Variants in TBC1D8 observed in about 807,000 individuals in gnomAD.
TBC1D8 encodes BUB2-like protein 1.
TBC1D8 carries 65 observed loss-of-function variants against 118.8 expected under a neutral mutation model. The observed-to-expected ratio is 0.55, with a 90% CI of 0.45 to 0.67. TBC1D8 has a LOEUF of 0.67. TBC1D8 is among the 30% of genes least tolerant of loss of function. The pLI is 0.00. For missense variants in TBC1D8, 1,376 were observed against 1,471.2 expected, an observed-to-expected ratio of 0.94 and a Z score of 1.06; for synonymous variants, 566 against 595.8, an observed-to-expected ratio of 0.95 and a Z score of 0.73.
chr2:101,131,384 G>A (rs574367909), intron 1 of TBC1D8, among the ~76,000 whole-genome samples: 5 of 152,192 alleles, frequency 3.3e-5, no homozygotes, highest in Admixed American at 6.5e-5. Context: ...TGGTGGTGAC[G>A]TGCGCCTGTA....
intron 2 of TBC1D8, among the ~76,000 whole-genome samples, chr2:101,065,801 A>G (rs574819273): frequency 6.6e-6 from 1 of 152,360 alleles, no homozygotes; most frequent in East Asian, 1.9e-4. Flanking sequence ...CTTTTAATTT[A>G]TAATTGAAGT....
intron 16 of TBC1D8, 36 bp from the exon 17 acceptor site, chr2:101,021,782 TG>T: frequency 1.5e-6 from 2 of 1,335,462 alleles, no homozygotes; most frequent in Non-Finnish European, 2.1e-6. Context: ...TTGATGCCAA[TG>T]CTGAAAGTCC....
intron 3 of TBC1D8, among the ~76,000 whole-genome samples, chr2:101,056,232 C>G (rs1169349192): frequency 8.0e-6 from 1 of 125,262 alleles, no homozygotes; most frequent in Non-Finnish European, 1.7e-5. Context: ...TTGAGACAGT[C>G]TCGCTCTGTC....
At chr2:101,061,131 T>G (rs1682728417) in intron 2 of TBC1D8, among the ~76,000 whole-genome samples, 1 of 134,282 alleles carries the variant, frequency 7.4e-6, no homozygotes, top group South Asian at 2.3e-4. Context: ...GAGATTGCAG[T>G]GAGCCGAGAT....
intron 3 of TBC1D8, among the ~76,000 whole-genome samples, chr2:101,057,630 CTTGGGCAACATAATGAGACT>C (rs1682514580): frequency 6.6e-6 from 1 of 152,154 alleles, no homozygotes; most frequent in South Asian, 2.1e-4. Flanking sequence ...GTTCGATCAG[CTTGGGCAACATAATGAGACT>C]TCGTCTCTAC....
rs2105411959 is a variant in TBC1D8, at chr2:101,050,411, T to A, written c.862A>T (p.Ile288Phe). ...LDPDLQEPSQITKRDLEARAQ... is the reference protein window; with the variant it reads ...LDPDLQEPSQFTKRDLEARAQ... ...AACAGTCACTTTCACCTCTTGGTGA[T>A]CTGGCTCGGCTCCTGCAGATCGGGG... is the stretch of plus-strand genomic sequence containing the variant. The change falls in exon 5 of 20, where the codon ATC becomes TTC. Residue 288 changes from isoleucine to phenylalanine, a missense_variant. Physicochemically the swap from Ile to Phe is conservative, Grantham distance 21. Coordinates refer to ENST00000409318, the MANE Select transcript of TBC1D8 (RefSeq NM_001330348.2). 3 of 1,612,974 alleles carry A rather than the reference T, an allele frequency of 1.9e-6. No individual in the cohort carries two copies. The highest frequency in any genetic ancestry group is 2.5e-6 in the Non-Finnish European group (3 of 1,179,752).
chr2:101,066,904 G>A (rs1260892045), intron 2 of TBC1D8, among the ~76,000 whole-genome samples: 3 of 143,912 alleles, frequency 2.1e-5, no homozygotes, highest in Non-Finnish European at 4.5e-5. Context: ...GAGATCGAGT[G>A]CCACTGCACT....
At chr2:101,013,576 G>A (rs1187108165) in intron 17 of TBC1D8, among the ~76,000 whole-genome samples, 1 of 152,218 alleles carries the variant, frequency 6.6e-6, no homozygotes, top group African/African-American at 2.4e-5. Context: ...TTTGAAGGTA[G>A]TAGGTAACTT....
intron 1 of TBC1D8, among the ~76,000 whole-genome samples, chr2:101,092,852 C>A (rs1261803633): frequency 6.6e-6 from 1 of 152,108 alleles, no homozygotes; most frequent in African/African-American, 2.4e-5. Flanking sequence ...TGGGGTGCCT[C>A]CAGGTCCCCT....
At chr2:101,030,557 G>T (rs1056945447) in intron 11 of TBC1D8, among the ~76,000 whole-genome samples, 5 of 152,178 alleles carry the variant, frequency 3.3e-5, no homozygotes, top group Admixed American at 2.0e-4. Flanking sequence ...TACAATGCTG[G>T]TATGAGACAA....
intron 2 of TBC1D8, among the ~76,000 whole-genome samples, chr2:101,086,941 C>G (rs1675672433): frequency 6.6e-6 from 1 of 151,956 alleles, no homozygotes; most frequent in Admixed American, 6.6e-5. Context: ...CCACAACCAC[C>G]CCTGGCTAAT....
In TBC1D8 at chr2:101,037,548, C is replaced by T. The variant is rs1414925273; in HGVS notation, c.1436G>A (p.Ser479Asn). 6.2e-7 allele frequency: 1 copy of T among 1,612,564 alleles called. No homozygotes were observed. The highest frequency in any genetic ancestry group is 8.5e-7 in the Non-Finnish European group (1 of 1,179,858). ...VTAFQQSGSQ[S>N]PDSRMSREQI... ...GTCACCCACCATTCGGGAGTCAGGGCTCTGGCTGCCTGACTGCTGGAAGGC... is the reference window on the plus strand; with the variant it reads ...GTCACCCACCATTCGGGAGTCAGGGTTCTGGCTGCCTGACTGCTGGAAGGC... Residue 479 changes from serine to asparagine, a missense_variant, in exon 8 of 20, where the codon AGC (serine) becomes AAC (asparagine). Ser to Asn is a conservative substitution (Grantham distance 46, BLOSUM62 1). Coordinates refer to ENST00000409318, the MANE Select transcript of TBC1D8 (RefSeq NM_001330348.2).
intron 2 of TBC1D8, among the ~76,000 whole-genome samples, chr2:101,061,119 C>G (rs1030693982): frequency 7.7e-6 from 1 of 130,468 alleles, no homozygotes; most frequent in Non-Finnish European, 1.6e-5. Flanking sequence ...ACCTGGGAGG[C>G]GGAGATTGCA....
At position 101,131,152 on chromosome 2, in the gene TBC1D8, C is replaced by T. The variant is rs78162187; in HGVS notation, c.127+19975G>A. ...TCCTTGGCTTAAGTCATCCTCCCAC[C>T]TCAGCCTCCCAAGTAGCTGAGACTA... On this transcript the variant is annotated intron_variant, in intron 1 of 19. Transcript: ENST00000409318. 9.2e-5 allele frequency among the ~76,000 whole-genome samples: 14 copies of T among 152,314 alleles called. No homozygotes were observed. The South Asian group carries it at 2.7e-3, about 29-fold the overall frequency.
At chr2:101,023,131 C>A (rs573453789) in intron 15 of TBC1D8, among the ~76,000 whole-genome samples, 1 of 141,356 alleles carries the variant, frequency 7.1e-6, no homozygotes, top group African/African-American at 2.6e-5. Context: ...GGCAACAGAG[C>A]GTTTTTTTTG....
chr2:101,033,560 T>C lies in TBC1D8; in HGVS notation c.1802A>G (p.Lys601Arg). 1 of 1,613,882 alleles carries C rather than the reference T, an allele frequency of 6.2e-7. No individual in the cohort carries two copies. Among genetic ancestry groups the C allele is most frequent in the Non-Finnish European group, 8.5e-7 (1 of 1,179,872 alleles). The change falls in exon 10 of 20, where the codon AAG (lysine) becomes AGG (arginine). Residue 601 changes from lysine (K) to arginine (R), a missense_variant. Lys to Arg is a conservative substitution (Grantham distance 26). Transcript: ENST00000409318. Reference sequence around the variant, plus strand: ...CCCTTTCACCTGGCAGTATCCAATCTTGGGGTTCCGGTGGGCATAGGCCGT... The same window carrying C: ...CCCTTTCACCTGGCAGTATCCAATCCTGGGGTTCCGGTGGGCATAGGCCGT... ...VLTAYAHRNP[K>R]IGYCQSMNIL...
chr2:101,109,392 T>G (rs1236666646), intron 1 of TBC1D8, among the ~76,000 whole-genome samples: 1 of 152,182 alleles, frequency 6.6e-6, no homozygotes, highest in East Asian at 1.9e-4. Flanking sequence ...AAAGAATGCC[T>G]TCAACATTAT....
Position 101,050,511 on chromosome 2 carries a change from C to T in TBC1D8, c.762G>A (p.Glu254=). 6.2e-7 allele frequency: 1 copy of T among 1,613,986 alleles called. No individual in the cohort carries two copies. Residue 254 remains glutamate, a synonymous_variant, in exon 5 of 20, where the codon GAG becomes GAA. Transcript: ENST00000409318. ...RDFSMFLNLD[E]VFKVMEQLAD... ...CCAGCTGCTCCATGACCTTAAACACCTCATCCAGGTTCAGGAACATGGAGA... is the reference window on the plus strand; with the variant it reads ...CCAGCTGCTCCATGACCTTAAACACTTCATCCAGGTTCAGGAACATGGAGA...
chr2:101,058,953 G>A (rs998066547), intron 3 of TBC1D8, among the ~76,000 whole-genome samples: 1 of 151,568 alleles, frequency 6.6e-6, no homozygotes, highest in African/African-American at 2.4e-5. Context: ...TCGCCCAGGC[G>A]GGAGTGCAGT....
Sources: allele counts gnomAD v4.1 joint callset (sites outside exome capture counted in the v4.1 genomes callset), GRCh38; gene constraint gnomAD v4.1.1; transcripts MANE v1.5; gene names NCBI Gene and HGNC (gene_info 2026-07-23, HGNC 2026-07-21).